DLGAP1: variants seen among roughly 807,000 people sequenced by gnomAD.
The protein encoded by DLGAP1 is disks large-associated protein 1.
In DLGAP1, 11 loss-of-function variants were observed where a neutral mutation model predicts 90.8. The observed-to-expected ratio is 0.12, with a 90% CI of 0.08 to 0.20. The LOEUF (loss-of-function observed/expected upper bound fraction) is 0.20. Among genes scored for constraint, DLGAP1 ranks in the 10% least tolerant of loss-of-function variants. The probability of loss-of-function intolerance (pLI) is 1.00; values close to 1 mark genes in which losing one functional copy is unlikely to be tolerated. For missense variants in DLGAP1, 1,050 were observed against 1,333.8 expected (o/e 0.79, Z 3.31); for synonymous variants, 558 against 540.7 (o/e 1.03, Z -0.44).
intron 5 of DLGAP1, among the ~76,000 whole-genome samples, chr18:3,806,612 G>A (rs113967024): frequency 1.1e-3 from 163 of 152,312 alleles, no homozygotes; most frequent in African/African-American, 3.7e-3. Flanking sequence ...TCTTTACCTC[G>A]TTGTCTGCAC....
chr18:4,361,643 T>C (rs1452864440), intron 1 of DLGAP1, among the ~76,000 whole-genome samples: 1 of 152,200 alleles, frequency 6.6e-6, no homozygotes, highest in Non-Finnish European at 1.5e-5. Context: ...TCTAAAATTA[T>C]AAACCCTTAA....
chr18:3,803,938 T>A (rs1174389736), intron 5 of DLGAP1, among the ~76,000 whole-genome samples: 2 of 134,444 alleles, frequency 1.5e-5, no homozygotes, highest in Non-Finnish European at 3.2e-5. Flanking sequence ...TATTTTCTCT[T>A]CATTGGTTTA....
intron 3 of DLGAP1, among the ~76,000 whole-genome samples, chr18:3,949,483 TA>T (rs944561598): frequency 2.4e-4 from 37 of 152,292 alleles, no homozygotes; most frequent in African/African-American, 8.7e-4. Context: ...TTCCTGCTGC[TA>T]ATCTGTTTTC....
chr18:4,217,886 G>GT (rs2077990803), intron 1 of DLGAP1, among the ~76,000 whole-genome samples: 2 of 151,964 alleles, frequency 1.3e-5, no homozygotes, highest in African/African-American at 2.4e-5. Context: ...GTATAAAAAG[G>GT]TTTTTTCTGA....
At chr18:3,772,088 T>G (rs1160563625) in intron 5 of DLGAP1, among the ~76,000 whole-genome samples, 1 of 152,156 alleles carries the variant, frequency 6.6e-6, no homozygotes, top group Non-Finnish European at 1.5e-5. Flanking sequence ...AGTTAAAACC[T>G]AAGCCTTTCT....
intron 8 of DLGAP1, chr18:3,580,148 G>A (rs2055402227): frequency 1.7e-6 from 2 of 1,211,124 alleles, no homozygotes; most frequent in African/African-American, 3.0e-5. Flanking sequence ...TGCTAATAAT[G>A]TCTACAAAGA....
intron 2 of DLGAP1, among the ~76,000 whole-genome samples, chr18:4,135,784 C>T (rs2076388667): frequency 8.8e-6 from 1 of 113,752 alleles, no homozygotes; most frequent in Admixed American, 8.8e-5. Flanking sequence ...ATGAGAGAAT[C>T]TGATTCTTTT....
intron 2 of DLGAP1, among the ~76,000 whole-genome samples, chr18:4,049,992 G>C (rs1381281968): frequency 1.3e-5 from 2 of 151,898 alleles, no homozygotes; most frequent in African/African-American, 4.8e-5. Flanking sequence ...TCATTTATTA[G>C]GAACTTACTC....
chr18:4,190,482 C>A (rs1202628283), intron 1 of DLGAP1, among the ~76,000 whole-genome samples: 3 of 152,078 alleles, frequency 2.0e-5, no homozygotes, highest in Non-Finnish European at 4.4e-5. Context: ...TCAAAATCCA[C>A]AGGGTATAGA....
intron 2 of DLGAP1, among the ~76,000 whole-genome samples, chr18:4,119,047 A>T (rs889292836): frequency 2.0e-5 from 3 of 151,918 alleles, no homozygotes; most frequent in African/African-American, 7.3e-5. Flanking sequence ...TTTCTCTTCT[A>T]TTACTTCTCT....
chr18:4,140,561 T>G lies in DLGAP1; in HGVS notation c.-159+10619A>C, dbSNP rs543528061. 1.1e-4 allele frequency among the ~76,000 whole-genome samples: 17 copies of G among 152,128 alleles called. No individual in the cohort carries two copies. The South Asian group carries it at 3.3e-3, about 30-fold the overall frequency. ...CTTTCTAGTCAAGATACGAATAGTT[T>G]ATACACCACAATTTACAACACCACA... On this transcript the variant is annotated intron_variant, in intron 2 of 12. Transcript: ENST00000315677.
At chr18:4,186,186 C>A (rs188073769) in intron 1 of DLGAP1, among the ~76,000 whole-genome samples, 14 of 152,078 alleles carry the variant, frequency 9.2e-5, no homozygotes, top group Admixed American at 7.2e-4. Flanking sequence ...AGACCTTTTT[C>A]GGATGCATAG....
intron 1 of DLGAP1, among the ~76,000 whole-genome samples, chr18:4,263,477 G>C (rs889815282): frequency 2.0e-5 from 3 of 152,016 alleles, no homozygotes; most frequent in African/African-American, 7.2e-5. Context: ...TAAATAAAAT[G>C]CATAATTTAA....
intron 1 of DLGAP1, among the ~76,000 whole-genome samples, chr18:4,345,134 A>G (rs2081279751): frequency 6.6e-6 from 1 of 152,096 alleles, no homozygotes; most frequent in South Asian, 2.1e-4. Context: ...CCAAGCGCCA[A>G]TTTACATCCC....
At chr18:4,145,733 T>A (rs955064160) in intron 2 of DLGAP1, among the ~76,000 whole-genome samples, 1 of 152,160 alleles carries the variant, frequency 6.6e-6, no homozygotes, top group Non-Finnish European at 1.5e-5. Context: ...AAGAAAAAAA[T>A]GAATAATTTT....
intron 7 of DLGAP1, among the ~76,000 whole-genome samples, chr18:3,657,213 T>G (rs766499408): frequency 2.0e-5 from 3 of 152,256 alleles, no homozygotes; most frequent in Non-Finnish European, 4.4e-5. Flanking sequence ...GTCTGCAGTT[T>G]CATTCGGTTG....
chr18:4,291,630 T>C (rs1363751137), intron 1 of DLGAP1, among the ~76,000 whole-genome samples: 2 of 152,170 alleles, frequency 1.3e-5, no homozygotes, highest in African/African-American at 4.8e-5. Flanking sequence ...GTCTCATTTA[T>C]GACAATAAAG....
chr18:4,318,178 G>T (rs2080581459), intron 1 of DLGAP1, among the ~76,000 whole-genome samples: 2 of 152,136 alleles, frequency 1.3e-5, no homozygotes, highest in Non-Finnish European at 2.9e-5. Context: ...AAAAAAGAAA[G>T]ACATACCATA....
At chr18:3,701,252 A>T (rs1189102477) in intron 7 of DLGAP1, among the ~76,000 whole-genome samples, 1 of 152,134 alleles carries the variant, frequency 6.6e-6, no homozygotes, top group African/African-American at 2.4e-5. Flanking sequence ...AGAAGAAAGA[A>T]CCAAACAGTC....
Sources: allele counts gnomAD v4.1 joint callset (sites outside exome capture counted in the v4.1 genomes callset), GRCh38; gene constraint gnomAD v4.1.1; transcripts MANE v1.5; gene names NCBI Gene and HGNC (gene_info 2026-07-23, HGNC 2026-07-21).